Variants in RNASEL observed in about 807,000 individuals in gnomAD.
RNASEL encodes ribonuclease L.
A neutral mutation model predicts 50.9 loss-of-function variants in RNASEL; 36 were observed. That is an observed-to-expected ratio of 0.71 (90% CI 0.54 to 0.93). The LOEUF (loss-of-function observed/expected upper bound fraction) is 0.93. RNASEL is among the 40% of genes least tolerant of loss of function. The pLI, the probability that RNASEL is intolerant of heterozygous loss-of-function variation, is 0.00. For missense variants in RNASEL, 860 were observed against 894.5 expected (o/e 0.96, Z 0.49); for synonymous variants, 335 against 335.6 (o/e 1.00, Z 0.02).
intron 5 of RNASEL, chr1:182,579,373 G>A: frequency 1.0e-6 from 1 of 990,724 alleles, no homozygotes; most frequent in Non-Finnish European, 1.2e-6. Flanking sequence ...AAGAGTTTGG[G>A]CTACGAGATC....
intron 1 of RNASEL, 56 bp from the exon 2 acceptor site, chr1:182,587,026 C>T (rs944842386): frequency 2.5e-5 from 12 of 481,316 alleles, no homozygotes; most frequent in African/African-American, 2.3e-4. Flanking sequence ...ACACTTGAAT[C>T]AGAGAAATTA....
intron 3 of RNASEL, among the ~76,000 whole-genome samples, chr1:182,583,417 C>G: frequency 6.6e-6 from 1 of 152,140 alleles, no homozygotes; most frequent in East Asian, 1.9e-4. Context: ...TCTTTTTTTC[C>G]TGGTTAAAAT....
At chr1:182,575,700 T>C in intron 6 of RNASEL, 122 bp from the exon 7 acceptor site, 5 of 1,308,022 alleles carry the variant, frequency 3.8e-6, no homozygotes, top group Non-Finnish European at 5.3e-6. Context: ...ATAAGGACTT[T>C]GGAATCTGAC....
intron 6 of RNASEL, 37 bp from the exon 7 acceptor site, chr1:182,575,615 C>T (rs1280161777): frequency 1.2e-6 from 2 of 1,612,034 alleles, no homozygotes; most frequent in Non-Finnish European, 1.7e-6. Context: ...ATGCTTGCCC[C>T]AAATTATTCT....
At chr1:182,578,156 T>A (rs1661425914) in intron 5 of RNASEL, 2 of 152,086 alleles carry the variant, frequency 1.3e-5, no homozygotes, top group African/African-American at 4.8e-5. Flanking sequence ...ACTAAAAACT[T>A]CTGCGCAGCA....
At chr1:182,581,960 TG>T in intron 4 of RNASEL, 92 bp downstream of exon 4, 6 of 1,096,896 alleles carry the variant, frequency 5.5e-6, no homozygotes, top group African/African-American at 1.5e-5. Flanking sequence ...GAAAAAAGCC[TG>T]GGTCTCCTGA....
At chr1:182,579,874 T>A (rs534270071) in intron 5 of RNASEL, 3 of 530,360 alleles carry the variant, frequency 5.7e-6, no homozygotes, top group Non-Finnish European at 1.0e-5. Flanking sequence ...CTTGATGCCA[T>A]CACAGCTTCA....
At chr1:182,585,222 C>T (rs1448660906) in intron 2 of RNASEL, 105 bp downstream of exon 2, 1 of 1,077,412 alleles carries the variant, frequency 9.3e-7, no homozygotes, top group East Asian at 2.4e-5. Flanking sequence ...CAAATTGAAT[C>T]ATCCACATTT....
rs1445826676 is a variant in RNASEL at position 182,582,000 on chromosome 1, C to T, written c.1772+53G>A. Reference sequence around the variant, plus strand: ...GCAGCCCAGACTTCTGTCTGCACCACCTTACCCTTTCCATCCTGGAGGCCT... The same window carrying T: ...GCAGCCCAGACTTCTGTCTGCACCATCTTACCCTTTCCATCCTGGAGGCCT... On this transcript the variant is annotated intron_variant, in intron 4 of 6. Coordinates refer to ENST00000367559, the MANE Select transcript of RNASEL (RefSeq NM_021133.4). 28 of 1,527,996 alleles carry T rather than the reference C, an allele frequency of 1.8e-5. No individual in the cohort carries two copies. The East Asian group carries it at 4.3e-4, about 23-fold the overall frequency. The allele number at this position is 1,527,996 out of a possible 1,614,324, so 94.7% of individuals were successfully genotyped here. A position where few individuals can be genotyped will look rare whatever the true frequency, so the allele number is the denominator to read the frequency against.
chr1:182,585,547 G>A lies in RNASEL; in HGVS notation c.1260C>T (p.Phe420=), dbSNP rs540408368. 75 of 1,614,140 alleles carry A rather than the reference G, an allele frequency of 4.6e-5. No homozygotes were observed. In the South Asian group the frequency reaches 8.0e-4, roughly 17 times the overall value. The change falls in exon 2 of 7, where the codon TTC becomes TTT. Residue 420 remains phenylalanine, a synonymous_variant. Coordinates refer to ENST00000367559, the MANE Select transcript of RNASEL (RefSeq NM_021133.4). ...SSRENSHLVT[F]YGSESHRGHL... ...GGCCCCTGTGGCTCTCACTCCCATA[G>A]AATGTCACCAAGTGACTGTTCTCTC...
At chr1:182,581,460 T>C in intron 4 of RNASEL, 103 bp from the exon 5 acceptor site, 1 of 1,261,428 alleles carries the variant, frequency 7.9e-7, no homozygotes, top group Non-Finnish European at 1.1e-6. Context: ...TTGTGCTTTC[T>C]TGGTTTTTCT....
In RNASEL at chr1:182,576,881, A is replaced by AT. The variant is rs1180752771; in HGVS notation, c.1906-493dup. The AT allele has an allele frequency of 5.4e-3, 768 of 142,888 alleles. 3 individuals are homozygous for AT. Among genetic ancestry groups the AT allele is most frequent in the African/African-American group, 0.017 (677 of 39,142 alleles). The allele number at this position is 142,888 out of a possible 1,614,324, so 8.9% of individuals were successfully genotyped here. Reference sequence around the variant, plus strand: ...AGCAAGACTCCATCTCAAAAAAATAATTTTTTTTTTTTCAAGACGGAGTCT... The same window carrying AT: ...AGCAAGACTCCATCTCAAAAAAATAATTTTTTTTTTTTTCAAGACGGAGTCT... On this transcript the variant is annotated intron_variant, in intron 5 of 6. Coordinates refer to ENST00000367559, the MANE Select transcript of RNASEL (RefSeq NM_021133.4).
chr1:182,581,195 TA>T, intron 5 of RNASEL, 29 bp downstream of exon 5: 1 of 1,614,098 alleles, frequency 6.2e-7, no homozygotes, highest in African/African-American at 1.3e-5. Flanking sequence ...ATTCCTGGAC[TA>T]ACCCCTGCAC....
chr1:182,581,912 T>C, intron 4 of RNASEL, 141 bp downstream of exon 4: 1 of 776,458 alleles, frequency 1.3e-6, no homozygotes. Flanking sequence ...GGTTAAGTCA[T>C]CTCTCCAAGG....
chr1:182,577,607 T>G (rs1661415324), intron 5 of RNASEL, among the ~76,000 whole-genome samples: 1 of 152,090 alleles, frequency 6.6e-6, no homozygotes, highest in Non-Finnish European at 1.5e-5. Flanking sequence ...ACCAACATCA[T>G]TTTTCACAGA....
Position 182,586,028 on chromosome 1 carries a change from T to G in RNASEL, c.779A>C (p.Glu260Ala). The change falls in exon 2 of 7, where the codon GAG becomes GCG. Residue 260 changes from glutamate (E) to alanine (A), a missense_variant. Physicochemically the swap from Glu to Ala is moderately radical, Grantham distance 107. Transcript: ENST00000367559. ...KHLGLVQRLL[E>A]QEHIEINDTD... ...GTCATTAATCTCTATGTGCTCTTGC[T>G]CCAGAAGCCTCTGCACCAAACCCAA... is the stretch of plus-strand genomic sequence containing the variant. 1 of 1,614,054 alleles carries G rather than the reference T, an allele frequency of 6.2e-7. No homozygotes were observed. Among genetic ancestry groups the G allele is most frequent in the South Asian group, 1.1e-5 (1 of 91,080 alleles).
chr1:182,577,390 C>A (rs1052809249), intron 5 of RNASEL, among the ~76,000 whole-genome samples: 10 of 152,074 alleles, frequency 6.6e-5, no homozygotes, highest in African/African-American at 2.4e-4. Flanking sequence ...CCTGTGGCCA[C>A]CCTTTCAAAT....
At chr1:182,581,403 T>C (rs2102366571) in intron 4 of RNASEL, 46 bp from the exon 5 acceptor site, 1 of 1,582,928 alleles carries the variant, frequency 6.3e-7, no homozygotes. Context: ...ATCCCATCCC[T>C]CCCTTTCCTT....
At chr1:182,578,933 G>C (rs1661440833) in intron 5 of RNASEL, 1 of 152,152 alleles carries the variant, frequency 6.6e-6, no homozygotes, top group African/African-American at 2.4e-5. Context: ...GTGGCCACAT[G>C]GACGGAACTG....
Sources: gnomAD v4.1 joint callset for allele counts (sites outside exome capture counted in the v4.1 genomes callset) on GRCh38, gnomAD v4.1.1 for gene constraint, MANE v1.5 for transcripts, NCBI Gene and HGNC (gene_info 2026-07-23, HGNC 2026-07-21) for gene names.